Variants in SH3GL2 observed in about 807,000 individuals in gnomAD.
SH3GL2 encodes the protein endophilin-A1.
In SH3GL2, 24 loss-of-function variants were observed where a neutral mutation model predicts 46.0. That is an observed-to-expected ratio of 0.52 (90% CI 0.38 to 0.73). The LOEUF is 0.73. Ranked by LOEUF, SH3GL2 falls within the 30% of genes least tolerant of loss-of-function variation. The pLI, the probability that SH3GL2 is intolerant of heterozygous loss-of-function variation, is 0.00. For missense variants in SH3GL2, 413 were observed against 424.2 expected (o/e 0.97, Z 0.23); for synonymous variants, 196 against 147.1 (o/e 1.33, Z -2.40).
chr9:17,616,646 A>G (rs1819007471), intron 1 of SH3GL2, among the ~76,000 whole-genome samples: 1 of 152,194 alleles, frequency 6.6e-6, no homozygotes, highest in South Asian at 2.1e-4. Context: ...AAATATTGTT[A>G]CTGCCTTATC....
At chr9:17,686,185 A>G (rs1238273554) in intron 1 of SH3GL2, among the ~76,000 whole-genome samples, 4 of 127,550 alleles carry the variant, frequency 3.1e-5, no homozygotes, top group Non-Finnish European at 6.4e-5. Flanking sequence ...AACACATGAA[A>G]AAATGCTCAT....
intron 1 of SH3GL2, among the ~76,000 whole-genome samples, chr9:17,617,771 T>A (rs969483888): frequency 6.6e-6 from 1 of 152,162 alleles, no homozygotes; most frequent in African/African-American, 2.4e-5. Context: ...CATATGTAGC[T>A]TGTTCACCTC....
intron 1 of SH3GL2, among the ~76,000 whole-genome samples, chr9:17,623,348 A>T (rs978399275): frequency 2.0e-5 from 3 of 152,080 alleles, no homozygotes; most frequent in Non-Finnish European, 4.4e-5. Context: ...GTTGTGGGAT[A>T]TGTGGCCTTA....
At chr9:17,589,629 G>C (rs1372737225) in intron 1 of SH3GL2, 1 of 152,246 alleles carries the variant, frequency 6.6e-6, no homozygotes, top group Admixed American at 6.5e-5. Flanking sequence ...TAGAGGAGTT[G>C]ACTGTTAATC....
intron 1 of SH3GL2, among the ~76,000 whole-genome samples, chr9:17,669,716 C>T (rs1820426556): frequency 6.6e-6 from 1 of 152,110 alleles, no homozygotes; most frequent in Non-Finnish European, 1.5e-5. Flanking sequence ...CTGCTATGAT[C>T]ACAGGTTTTT....
intron 3 of SH3GL2, among the ~76,000 whole-genome samples, chr9:17,785,218 C>T (rs868300786): frequency 3.5e-4 from 53 of 152,168 alleles, no homozygotes; most frequent in African/African-American, 1.2e-3. Context: ...AGGACAGTGC[C>T]GCATATCTGG....
intron 3 of SH3GL2, among the ~76,000 whole-genome samples, chr9:17,764,224 C>G (rs1823256762): frequency 1.3e-5 from 2 of 152,194 alleles, no homozygotes; most frequent in African/African-American, 4.8e-5. Context: ...CCAGAAGAGT[C>G]CAGAACAAAA....
chr9:17,722,675 T>G (rs1054655243), intron 1 of SH3GL2, among the ~76,000 whole-genome samples: 5 of 152,100 alleles, frequency 3.3e-5, no homozygotes, highest in Non-Finnish European at 5.9e-5. Flanking sequence ...TTCCTCTATT[T>G]ACCAAATAGC....
At chr9:17,678,989 A>C (rs529098439) in intron 1 of SH3GL2, among the ~76,000 whole-genome samples, 1 of 152,078 alleles carries the variant, frequency 6.6e-6, no homozygotes, top group African/African-American at 2.4e-5. Context: ...CCATTGGTCT[A>C]TATCTCTATT....
intron 1 of SH3GL2, among the ~76,000 whole-genome samples, chr9:17,731,599 T>C (rs1239059849): frequency 1.3e-5 from 2 of 152,144 alleles, no homozygotes; most frequent in African/African-American, 4.8e-5. Context: ...GGCACTCTTA[T>C]CTTGGGCTTC....
At chr9:17,581,981 A>G (rs1198228649) in intron 1 of SH3GL2, among the ~76,000 whole-genome samples, 1 of 152,196 alleles carries the variant, frequency 6.6e-6, no homozygotes, top group Non-Finnish European at 1.5e-5. Flanking sequence ...CACCTGGCCT[A>G]TAGCCTGGGT....
At chr9:17,792,333 C>T (rs9407879) in intron 7 of SH3GL2, among the ~76,000 whole-genome samples, 13,950 of 152,180 alleles carry the variant, frequency 0.092, 1,219 homozygotes, top group African/African-American at 0.23. Flanking sequence ...TAAAGAAATA[C>T]TATGTGTCTT....
At chr9:17,631,580 C>T (rs1473989956) in intron 1 of SH3GL2, among the ~76,000 whole-genome samples, 3 of 152,162 alleles carry the variant, frequency 2.0e-5, no homozygotes, top group Non-Finnish European at 2.9e-5. Context: ...ACTGGATGTT[C>T]ACATCAGCTG....
At chr9:17,651,335 T>A (rs1445183673) in intron 1 of SH3GL2, among the ~76,000 whole-genome samples, 2 of 152,198 alleles carry the variant, frequency 1.3e-5, no homozygotes, top group Non-Finnish European at 2.9e-5. Context: ...ACTCATCTCA[T>A]CCACGAGTAT....
intron 1 of SH3GL2, among the ~76,000 whole-genome samples, chr9:17,609,930 G>A (rs1172066411): frequency 1.3e-5 from 2 of 152,164 alleles, no homozygotes; most frequent in African/African-American, 4.8e-5. Flanking sequence ...CCAGACACAC[G>A]ATTGGCCCTC....
At chr9:17,663,571 C>T (rs182363872) in intron 1 of SH3GL2, among the ~76,000 whole-genome samples, 24 of 152,256 alleles carry the variant, frequency 1.6e-4, no homozygotes, top group Admixed American at 1.2e-3. Context: ...TTCTGAAATA[C>T]GGATTTATTG....
chr9:17,593,058 T>C (rs1326374854), intron 1 of SH3GL2, among the ~76,000 whole-genome samples: 1 of 152,210 alleles, frequency 6.6e-6, no homozygotes, highest in Non-Finnish European at 1.5e-5. Context: ...AGGATGTGCC[T>C]GGAGAGGGTA....
intron 1 of SH3GL2, among the ~76,000 whole-genome samples, chr9:17,581,013 T>G (rs1004590660): frequency 6.6e-6 from 1 of 152,154 alleles, no homozygotes; most frequent in Non-Finnish European, 1.5e-5. Context: ...CATGCTGAAG[T>G]GATGATAATT....
At chr9:17,598,402 C>G (rs1428581823) in intron 1 of SH3GL2, among the ~76,000 whole-genome samples, 1 of 152,190 alleles carries the variant, frequency 6.6e-6, no homozygotes, top group Admixed American at 6.5e-5. Context: ...ACATCATTAT[C>G]TTTCTTACCA....
Sources: allele counts gnomAD v4.1 joint callset (sites outside exome capture counted in the v4.1 genomes callset), GRCh38; gene constraint gnomAD v4.1.1; transcripts MANE v1.5; gene names NCBI Gene and HGNC (gene_info 2026-07-23, HGNC 2026-07-21).